The following GLP2R variants were observed in gnomAD, a reference collection of about 807,000 sequenced individuals.
GLP2R encodes the protein glucagon-like peptide 2 receptor.
A neutral mutation model predicts 68.2 loss-of-function variants in GLP2R; 59 were observed. The observed-to-expected ratio is 0.87, with a 90% CI of 0.70 to 1.07. The LOEUF (loss-of-function observed/expected upper bound fraction) is 1.07, where lower values mean the gene tolerates loss of function less well. GLP2R is among the 50% of genes least tolerant of loss of function. The probability of loss-of-function intolerance (pLI) is 0.00; values close to 1 mark genes in which losing one functional copy is unlikely to be tolerated. For missense variants in GLP2R, 548 were observed against 677.4 expected, an observed-to-expected ratio of 0.81 and a Z score of 2.12; for synonymous variants, 270 against 265.4, an observed-to-expected ratio of 1.02 and a Z score of -0.17.
intron 9 of GLP2R, among the ~76,000 whole-genome samples, chr17:9,863,934 C>A (rs2067009532): frequency 6.6e-6 from 1 of 152,148 alleles, no homozygotes; most frequent in African/African-American, 2.4e-5. Context: ...CATTCTGGAC[C>A]CTGAAAGGTT....
rs758124006 is a variant in GLP2R at position 9,880,565 on chromosome 17, T to C, written c.1284+49T>C. The C allele has an allele frequency of 2.2e-6, 3 of 1,340,134 alleles. No homozygotes were observed. In the South Asian group the frequency reaches 4.2e-5, roughly 19 times the overall value. The allele number at this position is 1,340,134 out of a possible 1,614,324, so 83.0% of individuals were successfully genotyped here. ...TGCCTTGACTTTGGAGAAAACAAAA[T>C]GCATGTGGCCGAAACAGGCTCAGAA... On this transcript the variant is annotated intron_variant, in intron 11 of 12. Transcript: ENST00000262441.
At chr17:9,880,779 A>C (rs2067188065) in intron 11 of GLP2R, among the ~76,000 whole-genome samples, 1 of 152,192 alleles carries the variant, frequency 6.6e-6, no homozygotes, top group African/African-American at 2.4e-5. Context: ...TGATCATATT[A>C]ACTATGAGTG....
rs1300196459 is a variant in GLP2R, at chr17:9,881,983, A to G, written c.1284+1467A>G. Among the ~76,000 whole-genome samples the G allele has an allele frequency of 3.9e-5, 6 of 152,170 alleles. No homozygotes were observed. In the South Asian group the frequency reaches 1.0e-3, roughly 26 times the overall value. On this transcript the variant is annotated intron_variant, in intron 11 of 12. Coordinates refer to ENST00000262441, the MANE Select transcript of GLP2R (RefSeq NM_004246.3). The stretch of plus-strand genomic sequence containing the variant: ...CTACAAAAGCTCTCCCCAAAAGGCA[A>G]TGATAAAATTGGACAATTGTCAATA...
intron 6 of GLP2R, among the ~76,000 whole-genome samples, chr17:9,859,394 G>A (rs2066963554): frequency 6.6e-6 from 1 of 152,068 alleles, no homozygotes; most frequent in African/African-American, 2.4e-5. Context: ...ATGTTAAGGA[G>A]GAGGCTGGCC....
At chr17:9,854,439 G>A in intron 4 of GLP2R, 56 bp from the exon 5 acceptor site, 1 of 1,033,198 alleles carries the variant, frequency 9.7e-7, no homozygotes, top group South Asian at 1.3e-5. Flanking sequence ...GGAGCTGGGG[G>A]TTGTGGCCAT....
At chr17:9,884,007 G>A (rs2067219648) in intron 11 of GLP2R, among the ~76,000 whole-genome samples, 1 of 151,984 alleles carries the variant, frequency 6.6e-6, no homozygotes, top group African/African-American at 2.4e-5. Context: ...AAAAATACAA[G>A]ATTGTATAAA....
At chr17:9,836,288 G>T in intron 2 of GLP2R, 83 bp from the exon 3 acceptor site, 2 of 888,050 alleles carry the variant, frequency 2.3e-6, no homozygotes. Context: ...CAGGAAGGTG[G>T]GCTCCCACGG....
At chr17:9,879,067 G>C (rs1020025255) in intron 10 of GLP2R, among the ~76,000 whole-genome samples, 1 of 151,822 alleles carries the variant, frequency 6.6e-6, no homozygotes, top group African/African-American at 2.4e-5. Context: ...AACAGTAAAG[G>C]GCAGTTATTT....
At chr17:9,842,734 C>A in intron 4 of GLP2R, 118 bp downstream of exon 4, 1 of 1,115,884 alleles carries the variant, frequency 9.0e-7, no homozygotes, top group Non-Finnish European at 1.3e-6. Flanking sequence ...GCGCCTCTCC[C>A]CGGGGAAGCT....
chr17:9,869,516 G>A (rs536934975), intron 9 of GLP2R, among the ~76,000 whole-genome samples: 69 of 152,328 alleles, frequency 4.5e-4, no homozygotes, highest in Non-Finnish European at 8.5e-4. Context: ...GATCTCTCCC[G>A]AGGCTGCAGC....
chr17:9,877,809 G>A lies in GLP2R; in HGVS notation c.1146-2569G>A, dbSNP rs929911097. 3.3e-5 allele frequency among the ~76,000 whole-genome samples: 5 copies of A among 151,084 alleles called. No individual in the cohort carries two copies. The South Asian group carries it at 8.4e-4, about 25-fold the overall frequency. On this transcript the variant is annotated intron_variant, in intron 10 of 12. Transcript: ENST00000262441. ...GGAGAATGGCATGAACCCGGAAGGC[G>A]GAGGTTGCAGTGAGCCGAGATCCCG...
rs570027414 is a variant in GLP2R, at chr17:9,843,038, C to G, written c.504+422C>G. Among the ~76,000 whole-genome samples the G allele has an allele frequency of 6.6e-5, 10 of 151,816 alleles. No individual in the cohort carries two copies. The East Asian group carries it at 1.4e-3, about 21-fold the overall frequency. ...CCCCGACCCACCACCCACCACCCCC[C>G]ACTTCGACTCCTTTATGGCACCTGC... On this transcript the variant is annotated intron_variant, in intron 4 of 12. Coordinates refer to ENST00000262441, the MANE Select transcript of GLP2R (RefSeq NM_004246.3).
chr17:9,851,549 A>G (rs2066891487), intron 4 of GLP2R, among the ~76,000 whole-genome samples: 1 of 152,230 alleles, frequency 6.6e-6, no homozygotes, highest in African/African-American at 2.4e-5. Context: ...GCACAGTTGG[A>G]GACTGACAAG....
chr17:9,873,431 C>A (rs772148466), intron 10 of GLP2R, among the ~76,000 whole-genome samples: 1 of 152,134 alleles, frequency 6.6e-6, no homozygotes, highest in African/African-American at 2.4e-5. Flanking sequence ...GTGAGCCCTA[C>A]CACTGGGTAT....
chr17:9,846,600 C>T (rs2066841316), intron 4 of GLP2R, among the ~76,000 whole-genome samples: 1 of 152,098 alleles, frequency 6.6e-6, no homozygotes, highest in Non-Finnish European at 1.5e-5. Flanking sequence ...GCTTTGGTGA[C>T]AGAGTGAGAC....
At chr17:9,839,500 A>T (rs1484879935) in intron 3 of GLP2R, among the ~76,000 whole-genome samples, 1 of 151,998 alleles carries the variant, frequency 6.6e-6, no homozygotes, top group Admixed American at 6.6e-5. Flanking sequence ...GTGGGTAGCC[A>T]GGTCTTCCAT....
intron 9 of GLP2R, chr17:9,866,413 C>G (rs1028313504): frequency 6.2e-6 from 1 of 161,338 alleles, no homozygotes; most frequent in Non-Finnish European, 1.4e-5. Flanking sequence ...AGGGATGCTG[C>G]TCAACACCCT....
intron 11 of GLP2R, among the ~76,000 whole-genome samples, chr17:9,882,038 TA>T (rs60129746): frequency 0.25 from 28,369 of 113,448 alleles, 3,491 homozygotes; most frequent in Non-Finnish European, 0.36. Flanking sequence ...ACACATTAAC[TA>T]AAAAAAAAAA....
intron 8 of GLP2R, 23 bp from the exon 9 acceptor site, chr17:9,861,998 C>T (rs1567729587): frequency 5.1e-6 from 8 of 1,562,992 alleles, no homozygotes; most frequent in Non-Finnish European, 5.3e-6. Context: ...TCTTCTACTG[C>T]CTGCTTCTAC....
Sources: allele counts gnomAD v4.1 joint callset (sites outside exome capture counted in the v4.1 genomes callset), GRCh38; gene constraint gnomAD v4.1.1; transcripts MANE v1.5; gene names NCBI Gene and HGNC (gene_info 2026-07-23, HGNC 2026-07-21).